PTPRD: variants seen among roughly 807,000 people sequenced by gnomAD.
The protein encoded by PTPRD is receptor-type tyrosine-protein phosphatase delta.
In PTPRD, 34 loss-of-function variants were observed where a neutral mutation model predicts 214.5. The ratio of observed to expected loss-of-function variants is 0.16; its 90% CI spans 0.12 to 0.21. The LOEUF (loss-of-function observed/expected upper bound fraction) is 0.21. Ranked by LOEUF, PTPRD falls within the 10% of genes least tolerant of loss-of-function variation. The pLI, the probability that PTPRD is intolerant of heterozygous loss-of-function variation, is 1.00. For synonymous variants in PTPRD, 1,128 were observed against 845.7 expected (o/e 1.33, Z -5.79); for missense variants, 2,545 against 2,398.7 (o/e 1.06, Z -1.27).
intron 7 of PTPRD, among the ~76,000 whole-genome samples, chr9:9,581,955 A>T (rs1350927763): frequency 6.6e-6 from 1 of 152,288 alleles, no homozygotes; most frequent in East Asian, 1.9e-4. Context: ...TAGATTTGAT[A>T]TTCTGGTTAC....
chr9:10,336,127 A>G (rs1322489377), intron 3 of PTPRD, among the ~76,000 whole-genome samples: 2 of 151,808 alleles, frequency 1.3e-5, no homozygotes, highest in Non-Finnish European at 2.9e-5. Flanking sequence ...GTTCACACAG[A>G]AAAACTTCAT....
At chr9:9,794,189 ATG>A (rs535365083) in intron 5 of PTPRD, among the ~76,000 whole-genome samples, 162 of 146,398 alleles carry the variant, frequency 1.1e-3, no homozygotes, top group African/African-American at 3.3e-3. Context: ...ATATATACAT[ATG>A]TGTGTGTGTG....
At chr9:9,553,454 A>T (rs1438049542) in intron 8 of PTPRD, among the ~76,000 whole-genome samples, 1 of 152,086 alleles carries the variant, frequency 6.6e-6, no homozygotes, top group Non-Finnish European at 1.5e-5. Context: ...ACAGATGAGG[A>T]TACTGAAACT....
chr9:9,305,685 T>G (rs1956909869), intron 9 of PTPRD, among the ~76,000 whole-genome samples: 1 of 152,144 alleles, frequency 6.6e-6, no homozygotes, highest in African/African-American at 2.4e-5. Flanking sequence ...TGAATTAGGA[T>G]GTGCTCTAAA....
intron 7 of PTPRD, among the ~76,000 whole-genome samples, chr9:9,597,562 T>C (rs1437438834): frequency 1.3e-5 from 2 of 151,988 alleles, no homozygotes; most frequent in East Asian, 3.9e-4. Flanking sequence ...AAAAGTACCG[T>C]AGAACTGCAA....
chr9:10,475,723 T>A (rs1045464218), intron 2 of PTPRD, among the ~76,000 whole-genome samples: 1 of 152,008 alleles, frequency 6.6e-6, no homozygotes, highest in Non-Finnish European at 1.5e-5. Flanking sequence ...GATGCAAAAA[T>A]TCTCAATAAA....
At chr9:10,344,895 T>C (rs1339805635) in intron 2 of PTPRD, among the ~76,000 whole-genome samples, 1 of 152,206 alleles carries the variant, frequency 6.6e-6, no homozygotes, top group Non-Finnish European at 1.5e-5. Flanking sequence ...AATAATTTTC[T>C]CATGCCTTGC....
intron 9 of PTPRD, among the ~76,000 whole-genome samples, chr9:9,337,113 C>T (rs1367811797): frequency 6.6e-6 from 1 of 152,082 alleles, no homozygotes; most frequent in African/African-American, 2.4e-5. Context: ...ACATTTCTTT[C>T]CCAACCTTGG....
intron 3 of PTPRD, among the ~76,000 whole-genome samples, chr9:10,319,580 G>C (rs1306061042): frequency 1.3e-5 from 2 of 151,976 alleles, no homozygotes; most frequent in Non-Finnish European, 2.9e-5. Context: ...TTGTTAAAGA[G>C]AGTCACACCT....
At chr9:10,375,098 C>T (rs981067008) in intron 2 of PTPRD, among the ~76,000 whole-genome samples, 5 of 151,838 alleles carry the variant, frequency 3.3e-5, no homozygotes, top group African/African-American at 1.2e-4. Flanking sequence ...GATCAATAAG[C>T]AAGGTTCAAA....
chr9:9,989,624 C>T (rs10978151), intron 4 of PTPRD, among the ~76,000 whole-genome samples: 36,729 of 152,026 alleles, frequency 0.24, 5,118 homozygotes, highest in Middle Eastern at 0.36. Flanking sequence ...TTTCACACGA[C>T]CTCATTCCTC....
intron 14 of PTPRD, among the ~76,000 whole-genome samples, chr9:8,606,696 G>C (rs912046588): frequency 6.6e-6 from 1 of 152,118 alleles, no homozygotes; most frequent in African/African-American, 2.4e-5. Flanking sequence ...TGAAAACAAT[G>C]CTAAACAGTC....
chr9:9,080,036 T>G (rs2099756840), intron 10 of PTPRD, among the ~76,000 whole-genome samples: 1 of 152,072 alleles, frequency 6.6e-6, no homozygotes, highest in South Asian at 2.1e-4. Flanking sequence ...TGGTATTTTA[T>G]GTGATCATGT....
intron 8 of PTPRD, among the ~76,000 whole-genome samples, chr9:9,478,219 G>A (rs370422162): frequency 6.6e-6 from 1 of 152,060 alleles, no homozygotes; most frequent in African/African-American, 2.4e-5. Flanking sequence ...TCTAATACTT[G>A]TGAGATTTAT....
intron 2 of PTPRD, among the ~76,000 whole-genome samples, chr9:10,586,479 AG>A (rs2073920176): frequency 6.6e-6 from 1 of 152,120 alleles, no homozygotes; most frequent in African/African-American, 2.4e-5. Context: ...TTTTAAAGAA[AG>A]CCCAAAAATT....
At chr9:9,640,375 G>A (rs2095899430) in intron 7 of PTPRD, among the ~76,000 whole-genome samples, 1 of 152,202 alleles carries the variant, frequency 6.6e-6, no homozygotes, top group African/African-American at 2.4e-5. Context: ...GAGACCCTGT[G>A]TGAAAGCAAT....
chr9:10,326,738 C>T (rs932411798), intron 3 of PTPRD, among the ~76,000 whole-genome samples: 1 of 151,372 alleles, frequency 6.6e-6, no homozygotes, highest in Non-Finnish European at 1.5e-5. Flanking sequence ...TTTATATAAA[C>T]ATTTTTGTGT....
chr9:9,494,042 T>C (rs2096056546), intron 8 of PTPRD, among the ~76,000 whole-genome samples: 1 of 152,148 alleles, frequency 6.6e-6, no homozygotes, highest in African/African-American at 2.4e-5. Flanking sequence ...GGATGAAGAC[T>C]TCAGTGGAGT....
intron 8 of PTPRD, among the ~76,000 whole-genome samples, chr9:9,505,834 A>T (rs1227147557): frequency 6.6e-6 from 1 of 151,532 alleles, no homozygotes; most frequent in African/African-American, 2.4e-5. Flanking sequence ...GATATGCTTA[A>T]CTACTTCGTT....
Sources: gnomAD v4.1 joint callset for allele counts (sites outside exome capture counted in the v4.1 genomes callset) on GRCh38, gnomAD v4.1.1 for gene constraint, MANE v1.5 for transcripts, NCBI Gene and HGNC (gene_info 2026-07-23, HGNC 2026-07-21) for gene names.